TMCC3: variants seen among roughly 807,000 people sequenced by gnomAD.
TMCC3 encodes transmembrane and coiled-coil domain family 3.
A neutral mutation model predicts 40.2 loss-of-function variants in TMCC3; 28 were observed. The observed-to-expected ratio is 0.70, with a 90% confidence interval of 0.52 to 0.95. The LOEUF (loss-of-function observed/expected upper bound fraction) is 0.95. TMCC3 is among the 40% of genes least tolerant of loss of function. The pLI is 0.00. For synonymous variants in TMCC3, 255 were observed against 248.5 expected (o/e 1.03, Z -0.25); for missense variants, 554 against 615.2 (o/e 0.90, Z 1.05).
chr12:94,582,965 CTTTTTTTTTTTTT>C (rs753900771), intron 1 of TMCC3, among the ~76,000 whole-genome samples: 14 of 59,950 alleles, frequency 2.3e-4, no homozygotes, highest in African/African-American at 5.9e-4. Flanking sequence ...GAAGGAGAAT[CTTTTTTTTTTTTT>C]TTTTTTTTTT....
At chr12:94,600,845 T>G (rs768634572) in intron 1 of TMCC3, among the ~76,000 whole-genome samples, 8 of 152,204 alleles carry the variant, frequency 5.3e-5, no homozygotes, top group Non-Finnish European at 8.8e-5. Context: ...GGTTTTTTAC[T>G]AGTTACTGAA....
intron 1 of TMCC3, among the ~76,000 whole-genome samples, chr12:94,641,915 A>AT (rs1555286506): frequency 1.2e-3 from 177 of 150,790 alleles, no homozygotes; most frequent in African/African-American, 4.0e-3. Flanking sequence ...AACCACAAAA[A>AT]ATATATATAT....
intron 1 of TMCC3, among the ~76,000 whole-genome samples, chr12:94,590,555 G>C (rs2138836396): frequency 6.6e-6 from 1 of 152,276 alleles, no homozygotes; most frequent in Non-Finnish European, 1.5e-5. Context: ...CCTAGCAAGT[G>C]AGGCCATGTG....
intron 1 of TMCC3, among the ~76,000 whole-genome samples, chr12:94,621,868 G>A (rs1330601696): frequency 6.6e-6 from 1 of 152,152 alleles, no homozygotes; most frequent in East Asian, 1.9e-4. Context: ...CCTGAACCCA[G>A]GGGCATGTCA....
At position 94,582,428 on chromosome 12, in the gene TMCC3, C is replaced by T. The variant is rs1214177918; in HGVS notation, c.189G>A (p.Lys63=). Residue 63 remains lysine, a synonymous_variant, in exon 2 of 4, where the codon AAG becomes AAA. Coordinates refer to ENST00000261226, the MANE Select transcript of TMCC3 (RefSeq NM_020698.4). ...DVPDGILDFH[K]VKLTADSLKQ... Reference sequence around the variant, plus strand: ...TCAGGCTGTCTGCAGTGAGTTTGACCTTGTGGAAGTCCAGGATGCCATCCG... The same window carrying T: ...TCAGGCTGTCTGCAGTGAGTTTGACTTTGTGGAAGTCCAGGATGCCATCCG... 2 of 1,613,836 alleles carry T rather than the reference C, an allele frequency of 1.2e-6. No individual in the cohort carries two copies. The highest frequency in any genetic ancestry group is 2.2e-5 in the East Asian group (1 of 44,864).
chr12:94,603,318 T>C (rs1566324919), intron 1 of TMCC3, among the ~76,000 whole-genome samples: 2 of 152,156 alleles, frequency 1.3e-5, no homozygotes, highest in East Asian at 3.9e-4. Flanking sequence ...GGTTTTGCCA[T>C]CTTGGCCAGG....
chr12:94,571,420 C>T lies in TMCC3; in HGVS notation c.*15G>A. ...ATAAAAACTTGAAAGAACTTGAAGGCAGGAACCAGTGGCTTCATCTTGGTA... is the reference window on the plus strand; with the variant it reads ...ATAAAAACTTGAAAGAACTTGAAGGTAGGAACCAGTGGCTTCATCTTGGTA... On this transcript the variant is annotated 3_prime_UTR_variant, in exon 4 of 4. Transcript: ENST00000261226. 6.2e-7 allele frequency: 1 copy of T among 1,604,216 alleles called. No individual in the cohort carries two copies. Among genetic ancestry groups the T allele is most frequent in the South Asian group, 1.1e-5 (1 of 90,454 alleles).
At chr12:94,582,781 T>C (rs575230733) in intron 1 of TMCC3, among the ~76,000 whole-genome samples, 12 of 152,120 alleles carry the variant, frequency 7.9e-5, no homozygotes, top group Non-Finnish European at 1.8e-4. Flanking sequence ...ACTTTTTTTG[T>C]GTAATGAGAC....
intron 3 of TMCC3, among the ~76,000 whole-genome samples, chr12:94,574,336 C>T (rs138374504): frequency 7.1e-4 from 107 of 150,522 alleles, no homozygotes; most frequent in African/African-American, 2.1e-3. Flanking sequence ...TGCAGTGAGC[C>T]GAGATCACGC....
intron 1 of TMCC3, among the ~76,000 whole-genome samples, chr12:94,621,311 T>C (rs2068874703): frequency 6.6e-6 from 1 of 152,208 alleles, no homozygotes; most frequent in African/African-American, 2.4e-5. Flanking sequence ...TCTGGCTCCT[T>C]CGAGGAAGTG....
intron 1 of TMCC3, among the ~76,000 whole-genome samples, chr12:94,649,069 G>A (rs980954582): frequency 6.6e-6 from 1 of 152,118 alleles, no homozygotes; most frequent in African/African-American, 2.4e-5. Context: ...TACACAAAGT[G>A]CAAAAACAAG....
chr12:94,631,415 C>T (rs1428524291), intron 1 of TMCC3, among the ~76,000 whole-genome samples: 1 of 152,126 alleles, frequency 6.6e-6, no homozygotes, highest in Non-Finnish European at 1.5e-5. Flanking sequence ...GGCCCTAATG[C>T]CATTTGACTG....
intron 1 of TMCC3, among the ~76,000 whole-genome samples, chr12:94,648,256 A>T (rs1250596912): frequency 6.6e-6 from 1 of 152,018 alleles, no homozygotes; most frequent in Non-Finnish European, 1.5e-5. Flanking sequence ...TTATTTATTT[A>T]AAGACAGAGT....
chr12:94,644,714 A>G (rs1405502291), intron 1 of TMCC3, among the ~76,000 whole-genome samples: 7 of 152,168 alleles, frequency 4.6e-5, no homozygotes, highest in African/African-American at 4.8e-5. Context: ...TACTCAACTT[A>G]CCACTTCACC....
intron 1 of TMCC3, among the ~76,000 whole-genome samples, chr12:94,602,171 T>C (rs762374980): frequency 1.3e-5 from 2 of 152,238 alleles, no homozygotes; most frequent in Non-Finnish European, 2.9e-5. Flanking sequence ...CTATAAAGGA[T>C]TTAATGTTCC....
chr12:94,602,328 T>C (rs1216266857), intron 1 of TMCC3, among the ~76,000 whole-genome samples: 1 of 152,240 alleles, frequency 6.6e-6, no homozygotes, highest in Non-Finnish European at 1.5e-5. Context: ...AGACCTCGCA[T>C]ACTGAGAACA....
At chr12:94,576,246 T>C (rs1452789472) in intron 3 of TMCC3, among the ~76,000 whole-genome samples, 1 of 152,234 alleles carries the variant, frequency 6.6e-6, no homozygotes, top group African/African-American at 2.4e-5. Context: ...TTCCCAGAAC[T>C]GTCCCAAGTA....
intron 1 of TMCC3, among the ~76,000 whole-genome samples, chr12:94,624,271 CCTT>C (rs1594292920): frequency 1.3e-5 from 2 of 152,206 alleles, no homozygotes; most frequent in African/African-American, 4.8e-5. Flanking sequence ...CAGCAACACT[CCTT>C]CTAGGTATGT....
chr12:94,597,762 G>A (rs1049237159), intron 1 of TMCC3, among the ~76,000 whole-genome samples: 5 of 152,004 alleles, frequency 3.3e-5, no homozygotes, highest in Admixed American at 2.6e-4. Flanking sequence ...AGCCAAGATC[G>A]CGCCATTGCA....
Sources: allele counts gnomAD v4.1 joint callset (sites outside exome capture counted in the v4.1 genomes callset), GRCh38; gene constraint gnomAD v4.1.1; transcripts MANE v1.5; gene names NCBI Gene and HGNC (gene_info 2026-07-23, HGNC 2026-07-21).